DGKB: variants seen among roughly 807,000 people sequenced by gnomAD.
DGKB encodes 90 kDa diacylglycerol kinase.
A neutral mutation model predicts 114.3 loss-of-function variants in DGKB; 67 were observed. The observed-to-expected ratio is 0.59, with a 90% CI of 0.48 to 0.72. The LOEUF is 0.72. Among genes scored for constraint, DGKB ranks in the 30% least tolerant of loss-of-function variants. The pLI is 0.00. For synonymous variants in DGKB, 398 were observed against 323.1 expected, an observed-to-expected ratio of 1.23 and a Z score of -2.49; for missense variants, 907 against 975.2, an observed-to-expected ratio of 0.93 and a Z score of 0.93.
intron 7 of DGKB, among the ~76,000 whole-genome samples, chr7:14,699,278 C>A (rs1212403870): frequency 1.2e-4 from 18 of 152,138 alleles, no homozygotes; most frequent in Non-Finnish European, 5.9e-5. Flanking sequence ...TGTGTATGCA[C>A]ACATGCATTA....
chr7:14,713,779 T>C (rs1401239118), intron 6 of DGKB, among the ~76,000 whole-genome samples: 5 of 152,006 alleles, frequency 3.3e-5, no homozygotes, highest in Non-Finnish European at 7.4e-5. Context: ...AGTCTCCATA[T>C]GTCAGTTATC....
At chr7:14,759,010 C>T (rs1835313290) in intron 2 of DGKB, among the ~76,000 whole-genome samples, 1 of 152,120 alleles carries the variant, frequency 6.6e-6, no homozygotes, top group Non-Finnish European at 1.5e-5. Context: ...CTGCAACCTC[C>T]ATCTCCTGGG....
At chr7:14,941,718 T>C (rs1413471124) in intron 1 of DGKB, among the ~76,000 whole-genome samples, 2 of 151,968 alleles carry the variant, frequency 1.3e-5, no homozygotes, top group Non-Finnish European at 2.9e-5. Flanking sequence ...TTCCTAATCA[T>C]ACAATAAGAT....
intron 20 of DGKB, among the ~76,000 whole-genome samples, chr7:14,482,610 T>TTATA (rs1462060069): frequency 6.6e-6 from 1 of 152,006 alleles, no homozygotes; most frequent in Non-Finnish European, 1.5e-5. Flanking sequence ...TTAGTTCAGG[T>TTATA]TATAGTTCTC....
At chr7:14,786,461 C>T (rs1839908686) in intron 2 of DGKB, among the ~76,000 whole-genome samples, 1 of 152,196 alleles carries the variant, frequency 6.6e-6, no homozygotes, top group Non-Finnish European at 1.5e-5. Context: ...GTGGCTGCTG[C>T]AAAAGAGCTG....
chr7:14,258,208 T>C, intron 23 of DGKB, among the ~76,000 whole-genome samples: 1 of 152,342 alleles, frequency 6.6e-6, no homozygotes, highest in Middle Eastern at 3.4e-3. Flanking sequence ...AGTACGACTT[T>C]GTGATACCAT....
chr7:14,771,050 G>A (rs1442300254), intron 2 of DGKB, among the ~76,000 whole-genome samples: 1 of 151,942 alleles, frequency 6.6e-6, no homozygotes, highest in Non-Finnish European at 1.5e-5. Flanking sequence ...GTTTTATTGG[G>A]GTCTAAATGA....
chr7:14,859,230 A>G (rs544275522), intron 1 of DGKB, among the ~76,000 whole-genome samples: 4 of 152,132 alleles, frequency 2.6e-5, no homozygotes, highest in African/African-American at 4.8e-5. Flanking sequence ...GAGGTCTGGG[A>G]AAAAAAGCAG....
chr7:14,644,288 T>G (rs1812469067), intron 13 of DGKB, among the ~76,000 whole-genome samples: 1 of 152,184 alleles, frequency 6.6e-6, no homozygotes, highest in African/African-American at 2.4e-5. Context: ...GATGTAGATA[T>G]CAGTGTAGGG....
chr7:14,719,343 G>A (rs1828765220), intron 5 of DGKB, among the ~76,000 whole-genome samples: 1 of 152,112 alleles, frequency 6.6e-6, no homozygotes, highest in Non-Finnish European at 1.5e-5. Context: ...CATTATCTGT[G>A]TCTGTTCTAT....
chr7:14,915,756 C>T (rs1208228505), intron 1 of DGKB, among the ~76,000 whole-genome samples: 2 of 151,956 alleles, frequency 1.3e-5, no homozygotes, highest in Admixed American at 6.6e-5. Context: ...TAAAGACTGT[C>T]TCAGAAAACA....
At position 14,558,270 on chromosome 7, in the gene DGKB, C is replaced by G. The variant is rs376515508; in HGVS notation, c.1770+15942G>C. On this transcript the variant is annotated intron_variant, in intron 20 of 25. Coordinates refer to ENST00000402815, the MANE Select transcript of DGKB (RefSeq NM_001350709.2). ...CTCTTAGTTTATATTATCTTTGTAT[C>G]TAAATTTCTGCTATAAATATTAAAT... Among the ~76,000 whole-genome samples the G allele has an allele frequency of 2.6e-5, 4 of 151,570 alleles. No homozygotes were observed. The East Asian group carries it at 7.7e-4, about 29-fold the overall frequency.
At chr7:14,752,564 T>C (rs1294498658) in intron 4 of DGKB, among the ~76,000 whole-genome samples, 1 of 152,186 alleles carries the variant, frequency 6.6e-6, no homozygotes, top group Non-Finnish European at 1.5e-5. Flanking sequence ...GTGCAGGCTG[T>C]CATTCTTCTC....
At chr7:14,962,872 C>G (rs1015507491) in intron 1 of DGKB, among the ~76,000 whole-genome samples, 1 of 152,158 alleles carries the variant, frequency 6.6e-6, no homozygotes. Context: ...AGAAACTCAA[C>G]AAAAATGAGC....
At chr7:14,552,902 C>G (rs73057471) in intron 20 of DGKB, among the ~76,000 whole-genome samples, 1 of 152,066 alleles carries the variant, frequency 6.6e-6, no homozygotes, top group Admixed American at 6.6e-5. Flanking sequence ...TGTTATGGAC[C>G]GGGAAAGCCA....
At chr7:14,547,405 AAT>A (rs1270108837) in intron 20 of DGKB, among the ~76,000 whole-genome samples, 1 of 152,226 alleles carries the variant, frequency 6.6e-6, no homozygotes, top group African/African-American at 2.4e-5. Context: ...ATATTATGAT[AAT>A]ATGACTAAAG....
Position 14,689,199 on chromosome 7 carries a change from ATTTTTTTTTT to A in DGKB, c.712-3847_712-3838del, listed in dbSNP as rs551618345. On this transcript the variant is annotated intron_variant, in intron 9 of 25. Coordinates refer to ENST00000402815, the MANE Select transcript of DGKB (RefSeq NM_001350709.2). ...TGACAATGTGACAGAAACTCCTCTTATTTTTTTTTTTTTTTTTTTTTTTTTGAGAGGAGTC... is the reference window on the plus strand; with the variant it reads ...TGACAATGTGACAGAAACTCCTCTTATTTTTTTTTTTTTTTGAGAGGAGTC... 1.3e-4 allele frequency among the ~76,000 whole-genome samples: 10 copies of A among 76,572 alleles called. No homozygotes were observed. The South Asian group carries it at 2.8e-3, about 21-fold the overall frequency. The allele number at this position is 76,572 out of a possible 152,430, so 50.2% of individuals were successfully genotyped here.
intron 23 of DGKB, among the ~76,000 whole-genome samples, chr7:14,205,566 C>G (rs762522008): frequency 5.3e-5 from 8 of 151,902 alleles, no homozygotes; most frequent in African/African-American, 9.7e-5. Context: ...TAAGTGGATT[C>G]TACATAAACA....
chr7:14,250,170 T>C (rs940894758), intron 23 of DGKB, among the ~76,000 whole-genome samples: 2 of 150,586 alleles, frequency 1.3e-5, no homozygotes, highest in South Asian at 2.1e-4. Context: ...GGTTTCACCA[T>C]GTTGCCTAGG....
Sources: gnomAD v4.1 joint callset for allele counts (sites outside exome capture counted in the v4.1 genomes callset) on GRCh38, gnomAD v4.1.1 for gene constraint, MANE v1.5 for transcripts, NCBI Gene and HGNC (gene_info 2026-07-23, HGNC 2026-07-21) for gene names.